Variants in EME2 observed in about 807,000 individuals in gnomAD.
The protein encoded by EME2 is structure-specific endonuclease subunit EME2.
A neutral mutation model predicts 41.9 loss-of-function variants in EME2; 58 were observed. That is an observed-to-expected ratio of 1.38 (90% confidence interval 1.12 to 1.72). The LOEUF is 1.72. EME2 is among the 40% of genes most tolerant of loss of function. The pLI is 0.00. For synonymous variants in EME2, 334 were observed against 239.3 expected (o/e 1.40, Z -3.65); for missense variants, 695 against 541.9 (o/e 1.28, Z -2.81).
In EME2 at chr16:1,781,626, G is replaced by GAAC. The variant is rs1309374186; in HGVS notation, c.*5389_*5391dup. The GAAC allele has an allele frequency of 1.2e-4, 116 of 966,060 alleles. No individual in the cohort carries two copies. The highest frequency in any genetic ancestry group is 1.6e-4 in the Non-Finnish European group (107 of 658,538). 59.8% of individuals were successfully genotyped at this position (966,060 alleles called of 1,614,324 possible). A position where few individuals can be genotyped will look rare whatever the true frequency, so the allele number is the denominator to read the frequency against. ...GCACCGGTGCCCAGCCAGGGCTCCA[G>GAAC]AACGCTTCAGGAGCCCGTACCTCAC... On this transcript the variant is annotated 3_prime_UTR_variant, in exon 8 of 8. Transcript: ENST00000568449.
intron 3 of EME2, among the ~76,000 whole-genome samples, chr16:1,774,655 G>A (rs1413928918): frequency 6.6e-6 from 1 of 152,256 alleles, no homozygotes; most frequent in Non-Finnish European, 1.5e-5. Flanking sequence ...TGCCTGCGGG[G>A]AGCAGTGCTC....
At position 1,778,852 on chromosome 16, in the gene EME2, G is replaced by A. The variant is rs188080756; in HGVS notation, c.*2614G>A. ...GGCCCAGCCACAGAGCAGTAGCCAA[G>A]GCTGCCTGGCCTCCAAGTGGTTTCT... On this transcript the variant is annotated 3_prime_UTR_variant, in exon 8 of 8. Coordinates refer to ENST00000568449, the MANE Select transcript of EME2 (RefSeq NM_001257370.2). The A allele has an allele frequency of 8.8e-4, 380 of 433,398 alleles. 6 individuals carry two copies. In the East Asian group the frequency reaches 0.013, roughly 15 times the overall value. The allele number at this position is 433,398 out of a possible 1,614,324, so 26.8% of individuals were successfully genotyped here. A position where few individuals can be genotyped will look rare whatever the true frequency, so the allele number is the denominator to read the frequency against.
chr16:1,775,260 G>T (rs1037611787), intron 4 of EME2, 55 bp from the exon 5 acceptor site: 3 of 1,601,982 alleles, frequency 1.9e-6, no homozygotes, highest in Non-Finnish European at 2.6e-6. Context: ...CAGAGGCCAA[G>T]CTCGGGCAGG....
At chr16:1,774,051 A>G (rs2042672865) in intron 2 of EME2, among the ~76,000 whole-genome samples, 1 of 152,218 alleles carries the variant, frequency 6.6e-6, no homozygotes, top group African/African-American at 2.4e-5. Flanking sequence ...GTCTCGATTC[A>G]GGCTGTGGTC....
rs751381805 is a variant in EME2 at position 1,778,338 on chromosome 16, G to C, written c.*2100G>C. ...AGTCGAAATCTGCAAGAGAGGCCCAGGCTGGGGCAGCCCTGAGAGCTCCAT... is the reference window on the plus strand; with the variant it reads ...AGTCGAAATCTGCAAGAGAGGCCCACGCTGGGGCAGCCCTGAGAGCTCCAT... On this transcript the variant is annotated 3_prime_UTR_variant, in exon 8 of 8. Transcript: ENST00000568449. The C allele has an allele frequency of 6.2e-7, 1 of 1,611,708 alleles. No homozygotes were observed. Among genetic ancestry groups the C allele is most frequent in the Admixed American group, 1.7e-5 (1 of 59,994 alleles).
chr16:1,781,614 G>T lies in EME2; in HGVS notation c.*5376G>T. 1 of 1,119,294 alleles carries T rather than the reference G, an allele frequency of 8.9e-7. No homozygotes were observed. Among genetic ancestry groups the T allele is most frequent in the Non-Finnish European group, 1.3e-6 (1 of 794,446 alleles). 69.3% of individuals were successfully genotyped at this position (1,119,294 alleles called of 1,614,324 possible). On this transcript the variant is annotated 3_prime_UTR_variant, in exon 8 of 8. Transcript: ENST00000568449. ...ACTGCAGGGGCCGCACCGGTGCCCA[G>T]CCAGGGCTCCAGAACGCTTCAGGAG...
Position 1,773,038 on chromosome 16 carries a change from G to T in EME2, c.-190G>T. The T allele has an allele frequency of 1.4e-6, 2 of 1,436,474 alleles. No individual in the cohort carries two copies. The highest frequency in any genetic ancestry group is 1.8e-6 in the Non-Finnish European group (2 of 1,096,586). 89.0% of individuals were successfully genotyped at this position (1,436,474 alleles called of 1,614,324 possible). A position where few individuals can be genotyped will look rare whatever the true frequency, so the allele number is the denominator to read the frequency against. On this transcript the variant is annotated 5_prime_UTR_variant, in exon 1 of 8. Transcript: ENST00000568449. The stretch of plus-strand genomic sequence containing the variant: ...ACCGCGTAGAGCTGGGAGTCGCGCG[G>T]CCTGTTCAGTTGCTCCCGCAGGGCG...
intron 1 of EME2, 36 bp downstream of exon 1, chr16:1,773,510 A>G: frequency 6.4e-7 from 1 of 1,567,672 alleles, no homozygotes; most frequent in Non-Finnish European, 8.6e-7. Context: ...TCGGGGTAGG[A>G]AAGGCCTTTC....
chr16:1,775,396 G>C lies in EME2; in HGVS notation c.651G>C (p.Pro217=). ...VAGAEVAVSW[P]EVEEALVLLQ... is the part of the protein sequence containing the mutation. Reference sequence around the variant, plus strand: ...GTGCCGAGGTGGCCGTCAGCTGGCCGGAGGTGGAAGAGGTGAGGGCCTGTC... The same window carrying C: ...GTGCCGAGGTGGCCGTCAGCTGGCCCGAGGTGGAAGAGGTGAGGGCCTGTC... The change falls in exon 5 of 8, where the codon CCG becomes CCC. Residue 217 remains proline, a synonymous_variant. Transcript: ENST00000568449. The C allele has an allele frequency of 6.2e-7, 1 of 1,612,594 alleles. No individual in the cohort carries two copies. Among genetic ancestry groups the C allele is most frequent in the Non-Finnish European group, 8.5e-7 (1 of 1,179,832 alleles).
intron 2 of EME2, 152 bp downstream of exon 2, chr16:1,773,993 C>G: frequency 9.0e-7 from 1 of 1,114,028 alleles, no homozygotes; most frequent in Non-Finnish European, 1.2e-6. Flanking sequence ...AGTGGAGGTG[C>G]CCAAGCCGTT....
Position 1,776,327 on chromosome 16 carries a change from A to C in EME2, c.*89A>C. ...GGGGAGGACCCCCAGCCACATGTGGACCCTCAGCCTGGGTGGGTTCTCTGG... is the reference window on the plus strand; with the variant it reads ...GGGGAGGACCCCCAGCCACATGTGGCCCCTCAGCCTGGGTGGGTTCTCTGG... On this transcript the variant is annotated 3_prime_UTR_variant, in exon 8 of 8. Coordinates refer to ENST00000568449, the MANE Select transcript of EME2 (RefSeq NM_001257370.2). The C allele has an allele frequency of 7.2e-7, 1 of 1,387,656 alleles. No homozygotes were observed. The highest frequency in any genetic ancestry group is 1.3e-5 in the South Asian group (1 of 78,520). The allele number at this position is 1,387,656 out of a possible 1,614,324, so 86.0% of individuals were successfully genotyped here.
chr16:1,774,000 C>T (rs904174627), intron 2 of EME2, among the ~76,000 whole-genome samples, 159 bp downstream of exon 2: 4 of 152,368 alleles, frequency 2.6e-5, no homozygotes, highest in Middle Eastern at 3.4e-3. Context: ...GTGCCCAAGC[C>T]GTTCTGCTGG....
Position 1,773,096 on chromosome 16 carries a change from C to T in EME2, c.-132C>T, listed in dbSNP as rs1404883746. On this transcript the variant is annotated 5_prime_UTR_variant, in exon 1 of 8. Coordinates refer to ENST00000568449, the MANE Select transcript of EME2 (RefSeq NM_001257370.2). ...GGCGGGCCAGCTCCGCGATCAGCCG[C>T]GGACGCACCTTCTTCCGCGCCATGG... 1 of 1,404,184 alleles carries T rather than the reference C, an allele frequency of 7.1e-7. No individual in the cohort carries two copies. The highest frequency in any genetic ancestry group is 9.2e-7 in the Non-Finnish European group (1 of 1,084,062). The allele number at this position is 1,404,184 out of a possible 1,614,324, so 87.0% of individuals were successfully genotyped here.
rs1274223874 is a variant in EME2 at position 1,778,937 on chromosome 16, C to T, written c.*2699C>T. 1.6e-5 allele frequency: 4 copies of T among 252,836 alleles called. No homozygotes were observed. Among genetic ancestry groups the T allele is most frequent in the Admixed American group, 1.1e-4 (2 of 18,904 alleles). 15.7% of individuals were successfully genotyped at this position (252,836 alleles called of 1,614,324 possible). ...CCCAGAGCTGAGATGGTGTGGACAC[C>T]TTCCCTGCTAGGCCAGCCCTGCAGG... On this transcript the variant is annotated 3_prime_UTR_variant, in exon 8 of 8. Transcript: ENST00000568449.
Position 1,776,021 on chromosome 16 carries a change from A to G in EME2, c.969+35A>G. ...TGCCTCCTCCAAGCCCTCCAGGTGCAGAAGCCCCGTCCCCAGGCGCCCTCT... is the reference window on the plus strand; with the variant it reads ...TGCCTCCTCCAAGCCCTCCAGGTGCGGAAGCCCCGTCCCCAGGCGCCCTCT... On this transcript the variant is annotated intron_variant, in intron 7 of 7. Transcript: ENST00000568449. 6 of 1,606,064 alleles carry G rather than the reference A, an allele frequency of 3.7e-6. No individual in the cohort carries two copies. The African/African-American group carries it at 4.0e-5, about 11-fold the overall frequency.
At position 1,781,038 on chromosome 16, in the gene EME2, G is replaced by T; in HGVS notation, c.*4800G>T. On this transcript the variant is annotated 3_prime_UTR_variant, in exon 8 of 8. Transcript: ENST00000568449. ...GTGAGCCACAGTGCCCAGCCCCGTAGTGGAGAATTTCTGTTGAATGAACCA... is the reference window on the plus strand; with the variant it reads ...GTGAGCCACAGTGCCCAGCCCCGTATTGGAGAATTTCTGTTGAATGAACCA... The T allele has an allele frequency of 1.4e-6, 1 of 707,262 alleles. No individual in the cohort carries two copies. The highest frequency in any genetic ancestry group is 2.1e-6 in the Non-Finnish European group (1 of 471,092). The allele number at this position is 707,262 out of a possible 1,614,324, so 43.8% of individuals were successfully genotyped here. A position where few individuals can be genotyped will look rare whatever the true frequency, so the allele number is the denominator to read the frequency against.
rs1896646512 is a variant in EME2, at chr16:1,779,617, G to A, written c.*3379G>A. 6.6e-6 allele frequency: 1 copy of A among 152,308 alleles called. No homozygotes were observed. The highest frequency in any genetic ancestry group is 1.5e-5 in the Non-Finnish European group (1 of 68,098). 9.4% of individuals were successfully genotyped at this position (152,308 alleles called of 1,614,324 possible). On this transcript the variant is annotated 3_prime_UTR_variant, in exon 8 of 8. Coordinates refer to ENST00000568449, the MANE Select transcript of EME2 (RefSeq NM_001257370.2). The stretch of plus-strand genomic sequence containing the variant: ...CTGCCTAGAAGTGCGGGTCCCCAGA[G>A]CCAGGGTAGACCCCCTGAGTCAGGA...
Position 1,777,308 on chromosome 16 carries a change from C to T in EME2, c.*1070C>T. 3 of 1,609,938 alleles carry T rather than the reference C, an allele frequency of 1.9e-6. No homozygotes were observed. Among genetic ancestry groups the T allele is most frequent in the Non-Finnish European group, 2.5e-6 (3 of 1,179,716 alleles). On this transcript the variant is annotated 3_prime_UTR_variant, in exon 8 of 8. Coordinates refer to ENST00000568449, the MANE Select transcript of EME2 (RefSeq NM_001257370.2). ...GTCTCCCGAGTCTGGCCGCAGCTGG[C>T]GCAGGCGGTGGCAGCACAGGTACTG...
Position 1,777,497 on chromosome 16 carries a change from G to A in EME2, c.*1259G>A. ...CAGGCAGGGAAGGGGCCAGCTACTG[G>A]GCGCAGCCCCTCAGACCTCACGCTA... On this transcript the variant is annotated 3_prime_UTR_variant, in exon 8 of 8. Transcript: ENST00000568449. 1 of 1,442,666 alleles carries A rather than the reference G, an allele frequency of 6.9e-7. No individual in the cohort carries two copies. The highest frequency in any genetic ancestry group is 2.5e-5 in the Admixed American group (1 of 39,890). The allele number at this position is 1,442,666 out of a possible 1,614,324, so 89.4% of individuals were successfully genotyped here.
Sources: gnomAD v4.1 joint callset for allele counts (sites outside exome capture counted in the v4.1 genomes callset) on GRCh38, gnomAD v4.1.1 for gene constraint, MANE v1.5 for transcripts, NCBI Gene and HGNC (gene_info 2026-07-23, HGNC 2026-07-21) for gene names.